Variants in BUD23 observed in about 807,000 individuals in gnomAD.
The protein encoded by BUD23 is BUD23 rRNA methyltransferase and ribosome maturation factor.
A neutral mutation model predicts 47.0 loss-of-function variants in BUD23; 34 were observed. That is an observed-to-expected ratio of 0.72 (90% CI 0.55 to 0.96). The LOEUF (loss-of-function observed/expected upper bound fraction) is 0.96, where lower values mean the gene tolerates loss of function less well. Among genes scored for constraint, BUD23 ranks in the 40% least tolerant of loss-of-function variants. The pLI, the probability that BUD23 is intolerant of heterozygous loss-of-function variation, is 0.00. For synonymous variants in BUD23, 124 were observed against 132.0 expected (o/e 0.94, Z 0.41); for missense variants, 343 against 361.2 (o/e 0.95, Z 0.41).
intron 2 of BUD23, among the ~76,000 whole-genome samples, chr7:73,685,888 A>T (rs1220404181): frequency 6.6e-6 from 1 of 151,532 alleles, no homozygotes; most frequent in Admixed American, 6.6e-5. Flanking sequence ...GTCAGGAGAT[A>T]GAGAAATCCT....
Position 73,686,892 on chromosome 7 carries a change from C to T in BUD23, c.257C>T (p.Ala86Val). 6.2e-7 allele frequency: 1 copy of T among 1,614,158 alleles called. No homozygotes were observed. The highest frequency in any genetic ancestry group is 8.5e-7 in the Non-Finnish European group (1 of 1,180,034). The change falls in exon 4 of 12, where the codon GCC becomes GTC. Residue 86 changes from alanine to valine, a missense_variant. Ala to Val is a moderately conservative substitution (Grantham distance 64, BLOSUM62 0). Transcript: ENST00000265758. ...HYWVGLDISP[A>V]MLDEAVDREI... ...TGGGTGGGCCTGGATATCAGCCCTG[C>T]CATGCTGGGTAAGTATGTCCTGTCT...
At chr7:73,693,912 C>T (rs1554614468) in intron 9 of BUD23, 80 bp from the exon 10 acceptor site, 1 of 1,570,320 alleles carries the variant, frequency 6.4e-7, no homozygotes, top group African/African-American at 1.4e-5. Flanking sequence ...AGGGTCAGGC[C>T]TGGGTGCCTG....
At chr7:73,683,894 A>G (rs1453674120) in intron 2 of BUD23, 90 bp downstream of exon 2, 1 of 1,611,238 alleles carries the variant, frequency 6.2e-7, no homozygotes, top group East Asian at 2.2e-5. Flanking sequence ...AGGCCGTAGA[A>G]TTTGGGGGTG....
intron 2 of BUD23, 162 bp downstream of exon 2, chr7:73,683,966 C>T: frequency 2.0e-6 from 3 of 1,519,538 alleles, no homozygotes; most frequent in Non-Finnish European, 2.6e-6. Flanking sequence ...CTTTAAGTTG[C>T]CGACCTCTCT....
In BUD23 at chr7:73,697,559, C is replaced by G. The variant is rs782804906; in HGVS notation, c.702-46C>G. Reference sequence around the variant, plus strand: ...TCACATGGGGGCCAGTCGGGCAGCCCCATCCATCAGCTGTCCATCAGCTCA... The same window carrying G: ...TCACATGGGGGCCAGTCGGGCAGCCGCATCCATCAGCTGTCCATCAGCTCA... On this transcript the variant is annotated intron_variant, in intron 10 of 11. Transcript: ENST00000265758. 3.1e-6 allele frequency: 5 copies of G among 1,612,936 alleles called. No homozygotes were observed. In the South Asian group the frequency reaches 3.3e-5, roughly 11 times the overall value.
Position 73,692,584 on chromosome 7 carries a change from T to C in BUD23, c.460-12T>C. ...GTCATTTGTAAGACAGTGATGTTCC[T>C]GTTTCTTTCAGGTCCGGGGATCCCG... On this transcript the variant is annotated splice_polypyrimidine_tract_variant and intron_variant, in intron 6 of 11. Coordinates refer to ENST00000265758, the MANE Select transcript of BUD23 (RefSeq NM_017528.5). 1 of 1,613,522 alleles carries C rather than the reference T, an allele frequency of 6.2e-7. No individual in the cohort carries two copies. Among genetic ancestry groups the C allele is most frequent in the South Asian group, 1.1e-5 (1 of 91,058 alleles).
rs147305837 is a variant in BUD23, at chr7:73,697,924, C to T, written c.*38C>T. The T allele has an allele frequency of 2.5e-6, 4 of 1,592,396 alleles. No homozygotes were observed. Among genetic ancestry groups the T allele is most frequent in the Admixed American group, 3.7e-5 (2 of 53,740 alleles). ...TTCTGGAAAGGCACTTGCCTCTGCA[C>T]TTTTCTATATTGTTCAGCTGACAAA... On this transcript the variant is annotated 3_prime_UTR_variant, in exon 12 of 12. Transcript: ENST00000265758.
chr7:73,698,159 T>G lies in BUD23; in HGVS notation c.*273T>G. ...GAGGAAAAAAAAAAAAAAAAAAAGC[T>G]CTGAGAGCATCTTATTTTGTTTAAA... On this transcript the variant is annotated 3_prime_UTR_variant, in exon 12 of 12. Coordinates refer to ENST00000265758, the MANE Select transcript of BUD23 (RefSeq NM_017528.5). 4.2e-6 allele frequency: 1 copy of G among 240,112 alleles called. No individual in the cohort carries two copies. The highest frequency in any genetic ancestry group is 7.4e-6 in the Non-Finnish European group (1 of 134,350). The allele number at this position is 240,112 out of a possible 1,614,324, so 14.9% of individuals were successfully genotyped here. A position where few individuals can be genotyped will look rare whatever the true frequency, so the allele number is the denominator to read the frequency against.
At chr7:73,687,298 G>A (rs1584215296) in intron 5 of BUD23, among the ~76,000 whole-genome samples, 1 of 152,044 alleles carries the variant, frequency 6.6e-6, no homozygotes, top group African/African-American at 2.4e-5. Context: ...GTTTTTTTGA[G>A]ATGGAGTCTT....
intron 5 of BUD23, among the ~76,000 whole-genome samples, chr7:73,688,425 G>A (rs551659987): frequency 1.4e-4 from 22 of 152,336 alleles, no homozygotes; most frequent in African/African-American, 5.1e-4. Context: ...CAGATTCTGT[G>A]TCAGCTTTGT....
At chr7:73,693,274 A>C in intron 7 of BUD23, 55 bp from the exon 8 acceptor site, 1 of 1,492,250 alleles carries the variant, frequency 6.7e-7, no homozygotes, top group Admixed American at 1.9e-5. Flanking sequence ...AGGGAGGTGA[A>C]GCTGTCTGCT....
chr7:73,689,387 G>T (rs748395951), intron 5 of BUD23, among the ~76,000 whole-genome samples: 3 of 151,918 alleles, frequency 2.0e-5, no homozygotes, highest in Non-Finnish European at 4.4e-5. Flanking sequence ...TACATGTAAG[G>T]CGTACAAGGT....
At chr7:73,696,121 C>CAAAG (rs1798392854) in intron 10 of BUD23, 1 of 152,178 alleles carries the variant, frequency 6.6e-6, no homozygotes, top group Non-Finnish European at 1.5e-5. Flanking sequence ...GGTCTTAAGA[C>CAAAG]CTTTAAGACA....
chr7:73,687,458 G>T (rs1015127418), intron 5 of BUD23, among the ~76,000 whole-genome samples: 1 of 152,170 alleles, frequency 6.6e-6, no homozygotes, highest in African/African-American at 2.4e-5. Flanking sequence ...TGTATTTTTA[G>T]TGGAGGTGAG....
rs782026198 is a variant in BUD23, at chr7:73,691,013, G to C, written c.459+1G>C. 5.0e-6 allele frequency: 8 copies of C among 1,613,504 alleles called. No individual in the cohort carries two copies. Among genetic ancestry groups the C allele is most frequent in the Non-Finnish European group, 5.1e-6 (6 of 1,179,662 alleles). On this transcript the variant is annotated splice_donor_variant, in intron 6 of 11. Coordinates refer to ENST00000265758, the MANE Select transcript of BUD23 (RefSeq NM_017528.5). LOFTEE classifies it high-confidence loss of function. ...TTTTGCTTCTCTTTTTTCTGTTCTC[G>C]TGAGTATAAGATCTTCTCCCCATCT...
intron 6 of BUD23, among the ~76,000 whole-genome samples, chr7:73,692,175 G>A (rs957329738): frequency 2.0e-5 from 3 of 152,170 alleles, no homozygotes; most frequent in Non-Finnish European, 4.4e-5. Context: ...GGCACACTGG[G>A]TTAATATTTT....
intron 10 of BUD23, chr7:73,694,378 G>C (rs1381596220): frequency 3.6e-6 from 1 of 276,574 alleles, no homozygotes; most frequent in African/African-American, 2.2e-5. Context: ...TGGGTGCTGT[G>C]GCTCTCCCTT....
At chr7:73,691,966 AC>A (rs1798210675) in intron 6 of BUD23, among the ~76,000 whole-genome samples, 1 of 151,398 alleles carries the variant, frequency 6.6e-6, no homozygotes, top group African/African-American at 2.4e-5. Flanking sequence ...GGTCTAGCCC[AC>A]CCCTAGTTTT....
chr7:73,691,278 A>C (rs1340699222), intron 6 of BUD23, among the ~76,000 whole-genome samples: 1 of 152,156 alleles, frequency 6.6e-6, no homozygotes, highest in African/African-American at 2.4e-5. Flanking sequence ...AATAGGGCCT[A>C]CTTCTGTTGA....
Sources: gnomAD v4.1 joint callset for allele counts (sites outside exome capture counted in the v4.1 genomes callset) on GRCh38, gnomAD v4.1.1 for gene constraint, MANE v1.5 for transcripts, NCBI Gene and HGNC (gene_info 2026-07-23, HGNC 2026-07-21) for gene names.